Variants in SPAG9 observed in about 807,000 individuals in gnomAD.
The protein encoded by SPAG9 is sperm associated antigen 9.
SPAG9 carries 35 observed loss-of-function variants against 166.5 expected under a neutral mutation model. The ratio of observed to expected loss-of-function variants is 0.21; its 90% confidence interval spans 0.16 to 0.28. The LOEUF is 0.28. SPAG9 is among the 10% of genes least tolerant of loss of function. The probability of loss-of-function intolerance (pLI) is 1.00; values close to 1 mark genes in which losing one functional copy is unlikely to be tolerated. For missense variants in SPAG9, 1,235 were observed against 1,603.3 expected, an observed-to-expected ratio of 0.77 and a Z score of 3.92; for synonymous variants, 534 against 565.5, an observed-to-expected ratio of 0.94 and a Z score of 0.79.
Position 51,021,270 on chromosome 17 carries a change from G to A in SPAG9, c.879C>T (p.Pro293=), listed in dbSNP as rs1376297756. The A allele has an allele frequency of 1.2e-6, 2 of 1,614,040 alleles. No individual in the cohort carries two copies. The highest frequency in any genetic ancestry group is 1.7e-6 in the Non-Finnish European group (2 of 1,179,942). The part of the protein sequence containing the change: ...SDVATIPTDT[P]LKEENEGFVK... ...CAAATCCTTCGTTTTCTTCCTTTAAGGGAGTATCAGTAGGAATTGTTGCCA... is the reference window on the plus strand; with the variant it reads ...CAAATCCTTCGTTTTCTTCCTTTAAAGGAGTATCAGTAGGAATTGTTGCCA... Residue 293 remains proline, a synonymous_variant, in exon 7 of 30, where the codon CCC becomes CCT. Transcript: ENST00000262013.
chr17:51,038,026 G>A (rs1021449871), intron 5 of SPAG9, among the ~76,000 whole-genome samples: 7 of 152,042 alleles, frequency 4.6e-5, no homozygotes, highest in African/African-American at 1.4e-4. Flanking sequence ...CTCCAAACTC[G>A]ATTTGAGGAC....
chr17:51,088,042 G>T (rs1420958666), intron 1 of SPAG9, among the ~76,000 whole-genome samples: 2 of 152,148 alleles, frequency 1.3e-5, no homozygotes, highest in Non-Finnish European at 2.9e-5. Flanking sequence ...ACCATGCCTG[G>T]CCCTGACCCT....
intron 1 of SPAG9, among the ~76,000 whole-genome samples, chr17:51,106,334 ATTT>A (rs1392167469): frequency 6.6e-6 from 1 of 152,036 alleles, no homozygotes; most frequent in Non-Finnish European, 1.5e-5. Flanking sequence ...ATTTAAAAAA[ATTT>A]TTAAGTAAAA....
At chr17:51,101,992 T>G (rs2048820641) in intron 1 of SPAG9, among the ~76,000 whole-genome samples, 1 of 152,196 alleles carries the variant, frequency 6.6e-6, no homozygotes, top group Admixed American at 6.6e-5. Context: ...AATAATTGTT[T>G]ATTTTTCTTT....
intron 4 of SPAG9, among the ~76,000 whole-genome samples, chr17:51,045,138 C>T (rs537884545): frequency 2.6e-5 from 4 of 152,282 alleles, no homozygotes; most frequent in East Asian, 1.9e-4. Flanking sequence ...AAAGCTCCTA[C>T]GGCCACGTGC....
At chr17:51,083,815 T>A (rs1249685317) in intron 1 of SPAG9, among the ~76,000 whole-genome samples, 3 of 152,074 alleles carry the variant, frequency 2.0e-5, no homozygotes, top group Non-Finnish European at 2.9e-5. Flanking sequence ...TTGATCCATC[T>A]ATGAACCATA....
rs202006840 is a variant in SPAG9 at position 50,998,621 on chromosome 17, A to C, written c.1665-4T>G. ...GGAGCTGAAAAGTCGGCTGAAACTAAAAGAAGACAGTATGTCTGTGTGTCA... is the reference window on the plus strand; with the variant it reads ...GGAGCTGAAAAGTCGGCTGAAACTACAAGAAGACAGTATGTCTGTGTGTCA... On this transcript the variant is annotated splice_region_variant and splice_polypyrimidine_tract_variant and intron_variant, in intron 14 of 29. Coordinates refer to ENST00000262013, the MANE Select transcript of SPAG9 (RefSeq NM_001130528.3). The C allele has an allele frequency of 1.3e-5, 21 of 1,613,880 alleles. No individual in the cohort carries two copies. The African/African-American group carries it at 2.8e-4, about 22-fold the overall frequency.
chr17:51,045,965 A>G lies in SPAG9; in HGVS notation c.590+1410T>C, dbSNP rs190430004. 3.8e-3 allele frequency among the ~76,000 whole-genome samples: 573 copies of G among 152,330 alleles called. 2 individuals carry two copies. The highest frequency in any genetic ancestry group is 0.01 in the Middle Eastern group (3 of 294). On this transcript the variant is annotated intron_variant, in intron 4 of 29. Transcript: ENST00000262013. ...GCATTCCTTAACCTAAAAGTCTTAA[A>G]TTTTTTCACTTTAAAACATATTTTG... is the stretch of plus-strand genomic sequence containing the variant.
chr17:51,084,466 G>A (rs530872961), intron 1 of SPAG9, among the ~76,000 whole-genome samples: 12 of 151,918 alleles, frequency 7.9e-5, no homozygotes, highest in Non-Finnish European at 1.5e-4. Flanking sequence ...TCAGCTAACT[G>A]CAACCTCCAT....
At chr17:51,093,562 G>A (rs1314524144) in intron 1 of SPAG9, among the ~76,000 whole-genome samples, 1 of 151,916 alleles carries the variant, frequency 6.6e-6, no homozygotes, top group Admixed American at 6.6e-5. Flanking sequence ...AGGCGTGGTG[G>A]CGGGTGCCTC....
Position 51,007,793 on chromosome 17 carries a change from C to T in SPAG9, c.1214-467G>A, listed in dbSNP as rs146833976. 122 of 443,246 alleles carry T rather than the reference C, an allele frequency of 2.8e-4. 2 individuals carry two copies. The highest frequency in any genetic ancestry group is 1.7e-3 in the Middle Eastern group (5 of 3,012). 27.5% of individuals were successfully genotyped at this position (443,246 alleles called of 1,614,324 possible). A position where few individuals can be genotyped will look rare whatever the true frequency, so the allele number is the denominator to read the frequency against. On this transcript the variant is annotated intron_variant, in intron 9 of 29. Coordinates refer to ENST00000262013, the MANE Select transcript of SPAG9 (RefSeq NM_001130528.3). Reference sequence around the variant, plus strand: ...CTTATTAATAGAGAACAGGCAAAAACAAGGCTAAAGAAAGATAGAACCCCA... The same window carrying T: ...CTTATTAATAGAGAACAGGCAAAAATAAGGCTAAAGAAAGATAGAACCCCA...
chr17:51,041,154 A>C (rs1226519989), intron 5 of SPAG9, among the ~76,000 whole-genome samples: 2 of 152,196 alleles, frequency 1.3e-5, no homozygotes, highest in African/African-American at 4.8e-5. Context: ...CTCTAACATG[A>C]ACCAAGACTT....
chr17:51,093,473 C>T (rs1036739053), intron 1 of SPAG9, among the ~76,000 whole-genome samples: 2 of 151,748 alleles, frequency 1.3e-5, no homozygotes, highest in East Asian at 1.9e-4. Context: ...GAGGCTGAGG[C>T]GGGTGGATCA....
At chr17:51,117,710 A>C in intron 1 of SPAG9, among the ~76,000 whole-genome samples, 1 of 91,618 alleles carries the variant, frequency 1.1e-5, no homozygotes, top group Non-Finnish European at 2.8e-5. Context: ...CTCCGTCTCA[A>C]AAAAAAAAAA....
At chr17:51,015,673 A>G (rs917130735) in intron 8 of SPAG9, among the ~76,000 whole-genome samples, 3 of 152,110 alleles carry the variant, frequency 2.0e-5, no homozygotes, top group African/African-American at 7.2e-5. Flanking sequence ...TAAAATAGCA[A>G]GATGGTATAA....
intron 19 of SPAG9, among the ~76,000 whole-genome samples, chr17:50,992,595 C>T (rs549554552): frequency 4.3e-4 from 66 of 151,858 alleles, no homozygotes; most frequent in Middle Eastern, 3.4e-3. Flanking sequence ...CACTTGAGCC[C>T]GGAAGGTCAT....
chr17:51,047,034 G>A, intron 4 of SPAG9: 1 of 705,974 alleles, frequency 1.4e-6, no homozygotes, highest in Non-Finnish European at 1.7e-6. Context: ...ATGCCTCTCT[G>A]TAACAAAAAG....
Position 51,099,788 on chromosome 17 carries a change from A to C in SPAG9, c.304-20084T>G, listed in dbSNP as rs1229631895. On this transcript the variant is annotated intron_variant, in intron 1 of 29. Transcript: ENST00000262013. The stretch of plus-strand genomic sequence containing the variant: ...AAAAAAAAAAAAAAAAAAAAAAAAA[A>C]ACTAGAAATTGTTATCTTAAAAAAG... 1.3e-4 allele frequency among the ~76,000 whole-genome samples: 20 copies of C among 150,344 alleles called. No homozygotes were observed. The East Asian group carries it at 2.9e-3, about 22-fold the overall frequency.
chr17:50,991,853 A>G (rs766129291), intron 19 of SPAG9, among the ~76,000 whole-genome samples: 23 of 145,972 alleles, frequency 1.6e-4, no homozygotes, highest in Non-Finnish European at 3.0e-4. Context: ...CGAACTCCTG[A>G]CCTCAGGTGA....
Sources: gnomAD v4.1 joint callset for allele counts (sites outside exome capture counted in the v4.1 genomes callset) on GRCh38, gnomAD v4.1.1 for gene constraint, MANE v1.5 for transcripts, NCBI Gene and HGNC (gene_info 2026-07-23, HGNC 2026-07-21) for gene names.